KDR: variants seen among roughly 807,000 people sequenced by gnomAD.
The protein encoded by KDR is kinase insert domain receptor.
In KDR, 43 loss-of-function variants were observed where a neutral mutation model predicts 160.9. The ratio of observed to expected loss-of-function variants is 0.27; its 90% CI spans 0.21 to 0.34. The LOEUF (loss-of-function observed/expected upper bound fraction) is 0.34, where lower values mean the gene tolerates loss of function less well. KDR is among the 10% of genes least tolerant of loss of function. The pLI is 1.00. For missense variants in KDR, 1,469 were observed against 1,666.4 expected (o/e 0.88, Z 2.06); for synonymous variants, 617 against 600.1 (o/e 1.03, Z -0.41).
Position 55,121,160 on chromosome 4 carries a change from C to T in KDR, c.98G>A (p.Arg33Lys). Residue 33 changes from arginine to lysine, a missense_variant, in exon 2 of 30, where the codon AGG (arginine) becomes AAG (lysine). Coordinates refer to ENST00000263923, the MANE Select transcript of KDR (RefSeq NM_002253.4). ...AAGTATGTCTTTTTGTATGCTGAGCCTGGGCAGATCAAGAGAAACACTAGG... is the reference window on the plus strand; with the variant it reads ...AAGTATGTCTTTTTGTATGCTGAGCTTGGGCAGATCAAGAGAAACACTAGG... ...GLPSVSLDLP[R>K]LSIQKDILTI... 6.2e-7 allele frequency: 1 copy of T among 1,613,702 alleles called. No individual in the cohort carries two copies. The highest frequency in any genetic ancestry group is 1.3e-5 in the African/African-American group (1 of 74,992).
chr4:55,118,190 T>C (rs1453325850), intron 3 of KDR, among the ~76,000 whole-genome samples: 1 of 152,204 alleles, frequency 6.6e-6, no homozygotes, highest in Non-Finnish European at 1.5e-5. Context: ...AAAAAATGCT[T>C]TCCTATGCAT....
At chr4:55,091,846 C>G (rs1033186179) in intron 22 of KDR, among the ~76,000 whole-genome samples, 2 of 152,182 alleles carry the variant, frequency 1.3e-5, no homozygotes, top group African/African-American at 4.8e-5. Context: ...TCACTGCCAC[C>G]AGCCTTGCTC....
intron 1 of KDR, among the ~76,000 whole-genome samples, chr4:55,124,853 G>A (rs965820249): frequency 6.6e-6 from 1 of 152,140 alleles, no homozygotes; most frequent in African/African-American, 2.4e-5. Flanking sequence ...GTTGCGCGCA[G>A]CCAGACAACT....
intron 21 of KDR, among the ~76,000 whole-genome samples, chr4:55,093,276 G>A (rs962931917): frequency 2.1e-4 from 32 of 152,130 alleles, no homozygotes; most frequent in African/African-American, 7.7e-4. Flanking sequence ...TTTTTCCTGA[G>A]AGATAACAGA....
In KDR at chr4:55,109,669, C is replaced by T. The variant is rs183763293; in HGVS notation, c.1255+734G>A. On this transcript the variant is annotated intron_variant, in intron 9 of 29. Coordinates refer to ENST00000263923, the MANE Select transcript of KDR (RefSeq NM_002253.4). ...TCTCCTCCTGGAGAATACCAATATACATTAGCATATAAAAGGTTCTGCGAA... is the reference window on the plus strand; with the variant it reads ...TCTCCTCCTGGAGAATACCAATATATATTAGCATATAAAAGGTTCTGCGAA... 2.6e-5 allele frequency among the ~76,000 whole-genome samples: 4 copies of T among 152,206 alleles called. No individual in the cohort carries two copies. In the East Asian group the frequency reaches 7.7e-4, roughly 29 times the overall value.
At chr4:55,117,219 A>G (rs1001108503) in intron 3 of KDR, among the ~76,000 whole-genome samples, 9 of 152,230 alleles carry the variant, frequency 5.9e-5, no homozygotes, top group Non-Finnish European at 8.8e-5. Flanking sequence ...CTCTCAAAAT[A>G]AAATATTTAC....
At chr4:55,111,549 C>T (rs1401545836) in intron 7 of KDR, among the ~76,000 whole-genome samples, 4 of 152,108 alleles carry the variant, frequency 2.6e-5, no homozygotes, top group Non-Finnish European at 5.9e-5. Flanking sequence ...TCTAAGCCAC[C>T]CCTCAACTCT....
chr4:55,092,285 A>T (rs1720037757), intron 22 of KDR: 1 of 355,912 alleles, frequency 2.8e-6, no homozygotes, highest in South Asian at 2.5e-5. Context: ...ACTTGTTTAT[A>T]TTGCTTATTG....
chr4:55,112,682 C>CCA (rs1467013751), intron 7 of KDR, among the ~76,000 whole-genome samples: 1 of 152,050 alleles, frequency 6.6e-6, no homozygotes, highest in African/African-American at 2.4e-5. Flanking sequence ...GCTCCCACCA[C>CCA]CACACCAGGC....
chr4:55,094,720 G>T (rs1044614256), intron 21 of KDR, 82 bp downstream of exon 21: 2 of 1,328,364 alleles, frequency 1.5e-6, no homozygotes, highest in Non-Finnish European at 2.2e-6. Context: ...CTTTTCCCAT[G>T]ATCAAATTCC....
In KDR at chr4:55,113,308, G is replaced by A; in HGVS notation, c.972C>T (p.Val324=). 1.9e-6 allele frequency: 3 copies of A among 1,613,854 alleles called. No homozygotes were observed. The highest frequency in any genetic ancestry group is 1.7e-6 in the Non-Finnish European group (2 of 1,179,816). The change falls in exon 7 of 30, where the codon GTC becomes GTT. Residue 324 remains valine (V), a synonymous_variant. Transcript: ENST00000263923. ...ATTTCCAAGACCATAGCTTACCATG[G>A]ACCCTGACAAATGTGCTGTTCTTCT... The part of the protein sequence containing the change: ...MTKKNSTFVR[V]HEKPFVAFGS...
At position 55,098,937 on chromosome 4, in the gene KDR, C is replaced by T. The variant is rs1041877703; in HGVS notation, c.2267-134G>A. The T allele has an allele frequency of 4.7e-6, 3 of 634,104 alleles. No individual in the cohort carries two copies. In the African/African-American group the frequency reaches 5.5e-5, roughly 12 times the overall value. 39.3% of individuals were successfully genotyped at this position (634,104 alleles called of 1,614,324 possible). A position where few individuals can be genotyped will look rare whatever the true frequency, so the allele number is the denominator to read the frequency against. ...AAAATCCTAGAGGACAACAGTTACA[C>T]ACCCGTAACTTGAATGGAGTCTACA... On this transcript the variant is annotated intron_variant, in intron 15 of 29. Coordinates refer to ENST00000263923, the MANE Select transcript of KDR (RefSeq NM_002253.4).
intron 19 of KDR, 90 bp downstream of exon 19, chr4:55,096,139 T>G: frequency 1.3e-6 from 1 of 752,054 alleles, no homozygotes; most frequent in Non-Finnish European, 2.4e-6. Flanking sequence ...GCTAAGAAAA[T>G]CAAGGCCAGA....
chr4:55,105,084 G>T, intron 12 of KDR, 100 bp from the exon 13 acceptor site: 1 of 980,250 alleles, frequency 1.0e-6, no homozygotes, highest in African/African-American at 1.6e-5. Flanking sequence ...CAAAAGAAAT[G>T]AAGCTCTATC....
intron 26 of KDR, 89 bp downstream of exon 26, chr4:55,088,779 C>T (rs1347023091): frequency 9.7e-6 from 8 of 826,298 alleles, no homozygotes; most frequent in African/African-American, 1.7e-5. Flanking sequence ...GAGAGGATGG[C>T]ATGGTAGCCA....
chr4:55,119,512 G>T (rs1720813953), intron 2 of KDR, among the ~76,000 whole-genome samples: 1 of 152,116 alleles, frequency 6.6e-6, no homozygotes, highest in Non-Finnish European at 1.5e-5. Context: ...GTACTATGGA[G>T]AAAAATATAG....
At chr4:55,102,807 G>A (rs1180145702) in intron 13 of KDR, among the ~76,000 whole-genome samples, 1 of 152,036 alleles carries the variant, frequency 6.6e-6, no homozygotes, top group Non-Finnish European at 1.5e-5. Flanking sequence ...AGCCTCCCCA[G>A]GTGAAAACTT....
chr4:55,100,925 T>C (rs1720294985), intron 15 of KDR, among the ~76,000 whole-genome samples: 2 of 152,128 alleles, frequency 1.3e-5, no homozygotes, highest in Admixed American at 1.3e-4. Context: ...CATAGGAATA[T>C]ACTTCTTAAG....
At chr4:55,119,587 C>G (rs373614848) in intron 2 of KDR, among the ~76,000 whole-genome samples, 14 of 152,120 alleles carry the variant, frequency 9.2e-5, no homozygotes, top group African/African-American at 3.4e-4. Context: ...GCCATAGGAA[C>G]ATCATGAAGA....
Sources: gnomAD v4.1 joint callset for allele counts (sites outside exome capture counted in the v4.1 genomes callset) on GRCh38, gnomAD v4.1.1 for gene constraint, MANE v1.5 for transcripts, NCBI Gene and HGNC (gene_info 2026-07-23, HGNC 2026-07-21) for gene names.